Variants in ATRNL1 observed in about 807,000 individuals in gnomAD.
ATRNL1 encodes attractin-like protein 1.
ATRNL1 carries 95 observed loss-of-function variants against 182.7 expected under a neutral mutation model. The ratio of observed to expected loss-of-function variants is 0.52; its 90% confidence interval spans 0.44 to 0.62. The LOEUF (loss-of-function observed/expected upper bound fraction) is 0.62. Among genes scored for constraint, ATRNL1 ranks in the 20% least tolerant of loss-of-function variants. The pLI, the probability that ATRNL1 is intolerant of heterozygous loss-of-function variation, is 0.00. For missense variants in ATRNL1, 1,471 were observed against 1,679.5 expected, an observed-to-expected ratio of 0.88 and a Z score of 2.17; for synonymous variants, 576 against 568.3, an observed-to-expected ratio of 1.01 and a Z score of -0.19.
chr10:115,758,571 T>A (rs149108739), intron 27 of ATRNL1, among the ~76,000 whole-genome samples: 2,288 of 152,322 alleles, frequency 0.015, 39 homozygotes, highest in Non-Finnish European at 0.024. Context: ...CGGCTCCTAC[T>A]GGGAGGTGTC....
Position 115,737,195 on chromosome 10 carries a change from G to C in ATRNL1, c.3903+9840G>C, listed in dbSNP as rs181192289. 2.6e-3 allele frequency among the ~76,000 whole-genome samples: 398 copies of C among 151,806 alleles called. 2 individuals carry two copies. The highest frequency in any genetic ancestry group is 9.1e-3 in the African/African-American group (378 of 41,348). ...AATCACAGCACTTTGGGAGGCCTAG[G>C]CAGGAGGATTCCTTAAGCTTAGGAG... On this transcript the variant is annotated intron_variant, in intron 27 of 28. Coordinates refer to ENST00000355044, the MANE Select transcript of ATRNL1 (RefSeq NM_207303.4).
chr10:115,878,999 A>G (rs1555107876), intron 28 of ATRNL1, among the ~76,000 whole-genome samples: 1 of 152,212 alleles, frequency 6.6e-6, no homozygotes, highest in African/African-American at 2.4e-5. Context: ...TATATGTTGC[A>G]TATTCTATGC....
chr10:115,661,843 C>A (rs1460419986), intron 26 of ATRNL1, among the ~76,000 whole-genome samples: 1 of 152,004 alleles, frequency 6.6e-6, no homozygotes, highest in African/African-American at 2.4e-5. Flanking sequence ...CATATGTATA[C>A]CTGTGCCAGG....
intron 20 of ATRNL1, among the ~76,000 whole-genome samples, chr10:115,424,883 G>GT (rs1845814348): frequency 1.3e-5 from 2 of 152,176 alleles, no homozygotes; most frequent in South Asian, 4.1e-4. Context: ...ACACTTTGTG[G>GT]TGCTCTATTG....
intron 19 of ATRNL1, among the ~76,000 whole-genome samples, chr10:115,383,041 T>C (rs1858114921): frequency 6.6e-6 from 1 of 151,872 alleles, no homozygotes; most frequent in Non-Finnish European, 1.5e-5. Context: ...TAGTTGAGTA[T>C]TTTTAATGAT....
chr10:115,937,126 C>T (rs1230952372), intron 28 of ATRNL1, among the ~76,000 whole-genome samples: 7 of 152,112 alleles, frequency 4.6e-5, no homozygotes, highest in African/African-American at 1.4e-4. Context: ...GAGAACAATT[C>T]GTATGAAAGT....
At chr10:115,368,295 C>T (rs571628514) in intron 19 of ATRNL1, among the ~76,000 whole-genome samples, 3 of 152,290 alleles carry the variant, frequency 2.0e-5, no homozygotes, top group East Asian at 1.9e-4. Context: ...TTTCCAGGTG[C>T]GTCCGTCACC....
At chr10:115,862,705 C>T (rs1262692683) in intron 28 of ATRNL1, among the ~76,000 whole-genome samples, 2 of 152,132 alleles carry the variant, frequency 1.3e-5, no homozygotes, top group Non-Finnish European at 2.9e-5. Flanking sequence ...TAGGAATTTA[C>T]CCTAAAATAC....
At chr10:115,099,193 A>G (rs782672298) in intron 1 of ATRNL1, among the ~76,000 whole-genome samples, 1 of 152,190 alleles carries the variant, frequency 6.6e-6, no homozygotes, top group Non-Finnish European at 1.5e-5. Context: ...CATACATTAT[A>G]TACTTCTTTT....
At chr10:115,486,101 T>C (rs1221172514) in intron 24 of ATRNL1, among the ~76,000 whole-genome samples, 1 of 152,166 alleles carries the variant, frequency 6.6e-6, no homozygotes, top group African/African-American at 2.4e-5. Flanking sequence ...CTGCATAGTA[T>C]TCGATGGTGT....
chr10:115,713,712 CT>C (rs376308581), intron 26 of ATRNL1, among the ~76,000 whole-genome samples: 1,841 of 95,120 alleles, frequency 0.019, 10 homozygotes, highest in Non-Finnish European at 0.032. Flanking sequence ...TATCATCTAT[CT>C]ATCTATCTAT....
chr10:115,365,278 T>G (rs1856971786), intron 19 of ATRNL1, among the ~76,000 whole-genome samples: 1 of 152,174 alleles, frequency 6.6e-6, no homozygotes, highest in African/African-American at 2.4e-5. Context: ...AATTTATCCA[T>G]TTCTTCTAGA....
At chr10:115,267,150 C>G (rs543975314) in intron 12 of ATRNL1, 145 bp downstream of exon 12, 135 of 574,680 alleles carry the variant, frequency 2.3e-4, no homozygotes, top group African/African-American at 2.1e-3. Context: ...AATGTTTGAA[C>G]CTAGTGATTA....
chr10:115,302,993 T>G (rs1218681392), intron 17 of ATRNL1, among the ~76,000 whole-genome samples: 1 of 139,576 alleles, frequency 7.2e-6, no homozygotes, highest in Non-Finnish European at 1.5e-5. Context: ...TGTTCAGATT[T>G]GGAACAAAAA....
At chr10:115,146,647 C>G (rs1354658279) in intron 5 of ATRNL1, among the ~76,000 whole-genome samples, 1 of 152,092 alleles carries the variant, frequency 6.6e-6, no homozygotes, top group Non-Finnish European at 1.5e-5. Context: ...CCTCTGGTAT[C>G]CATCATTCTA....
At chr10:115,301,147 G>A (rs1354111172) in intron 16 of ATRNL1, among the ~76,000 whole-genome samples, 1 of 152,046 alleles carries the variant, frequency 6.6e-6, no homozygotes, top group Admixed American at 6.6e-5. Flanking sequence ...ATTTATCAAT[G>A]GATACTTGCG....
At chr10:115,458,941 C>T (rs1401853210) in intron 21 of ATRNL1, among the ~76,000 whole-genome samples, 1 of 152,102 alleles carries the variant, frequency 6.6e-6, no homozygotes, top group African/African-American at 2.4e-5. Context: ...CCGGCTGAAG[C>T]CATGGCAGAA....
intron 28 of ATRNL1, among the ~76,000 whole-genome samples, chr10:115,933,944 A>C (rs1953479406): frequency 6.6e-6 from 1 of 152,146 alleles, no homozygotes; most frequent in African/African-American, 2.4e-5. Flanking sequence ...TTTTCCACCG[A>C]AGATTTGCAC....
chr10:115,159,233 T>A (rs1846664889), intron 5 of ATRNL1, among the ~76,000 whole-genome samples: 1 of 151,548 alleles, frequency 6.6e-6, no homozygotes, highest in Non-Finnish European at 1.5e-5. Context: ...GTCTAGTATT[T>A]GAGAATTTTT....
Sources: allele counts gnomAD v4.1 joint callset (sites outside exome capture counted in the v4.1 genomes callset), GRCh38; gene constraint gnomAD v4.1.1; transcripts MANE v1.5; gene names NCBI Gene and HGNC (gene_info 2026-07-23, HGNC 2026-07-21).